IL1F10: variants seen among roughly 807,000 people sequenced by gnomAD.
IL1F10 encodes interleukin 1 family member 10.
In IL1F10, 13 loss-of-function variants were observed where a neutral mutation model predicts 13.1. That is an observed-to-expected ratio of 0.99 (90% CI 0.64 to 1.57). The LOEUF (loss-of-function observed/expected upper bound fraction) is 1.57. Among genes scored for constraint, IL1F10 ranks in the 40% most tolerant of loss-of-function variants. IL1F10 has a pLI of 0.00. For synonymous variants in IL1F10, 78 were observed against 68.2 expected (o/e 1.14, Z -0.71); for missense variants, 191 against 184.1 (o/e 1.04, Z -0.22).
In IL1F10 at chr2:113,074,801, G is replaced by T; in HGVS notation, c.197G>T (p.Arg66Leu). Residue 66 changes from arginine (R) to leucine (L), a missense_variant, in exon 4 of 5, where the codon CGC becomes CTC. Transcript: ENST00000341010. ...PIFLGIQGGSRCLACVETEEG... is the reference protein window; with the variant it reads ...PIFLGIQGGSLCLACVETEEG... Reference sequence around the variant, plus strand: ...TTCCTGGGGATCCAGGGAGGGAGCCGCTGCCTGGCATGTGTGGAGACAGAA... The same window carrying T: ...TTCCTGGGGATCCAGGGAGGGAGCCTCTGCCTGGCATGTGTGGAGACAGAA... The T allele has an allele frequency of 3.1e-6, 5 of 1,613,518 alleles. No individual in the cohort carries two copies. The South Asian group carries it at 3.3e-5, about 11-fold the overall frequency.
rs1685899555 is a variant in IL1F10, at chr2:113,074,532, G to C, written c.118+118G>C. The C allele has an allele frequency of 5.6e-6, 6 of 1,066,884 alleles. No individual in the cohort carries two copies. In the Admixed American group the frequency reaches 1.0e-4, roughly 18 times the overall value. The allele number at this position is 1,066,884 out of a possible 1,614,324, so 66.1% of individuals were successfully genotyped here. A position where few individuals can be genotyped will look rare whatever the true frequency, so the allele number is the denominator to read the frequency against. On this transcript the variant is annotated intron_variant, in intron 3 of 4. Transcript: ENST00000341010. ...CCCCCAGTGACAGTGAGAAGGGCCA[G>C]AGAGCAGCTGTGGCCTCTCCTAGCG... is the stretch of plus-strand genomic sequence containing the variant.
Position 113,075,330 on chromosome 2 carries a change from C to A in IL1F10, c.425C>A (p.Ala142Asp). The A allele has an allele frequency of 6.3e-7, 1 of 1,593,960 alleles. No individual in the cohort carries two copies. Residue 142 changes from alanine to aspartate, a missense_variant, in exon 5 of 5, where the codon GCC (alanine) becomes GAC (aspartate). Ala to Asp is a moderately radical substitution (Grantham distance 126). Coordinates refer to ENST00000341010, the MANE Select transcript of IL1F10 (RefSeq NM_173161.3). ...CTCACCAAGGAGAGTGAGCCCTCAG[C>A]CCGTACCAAGTTTTACTTTGAACAG... is the stretch of plus-strand genomic sequence containing the variant. ...VQLTKESEPS[A>D]RTKFYFEQSW is the part of the protein sequence containing the mutation.
chr2:113,075,063 G>T, intron 4 of IL1F10, 89 bp from the exon 5 acceptor site: 2 of 1,330,046 alleles, frequency 1.5e-6, no homozygotes, highest in South Asian at 1.4e-5. Context: ...AGCCCTGTCA[G>T]GTCCTTTTTT....
rs187644874 is a variant in IL1F10, at chr2:113,075,622, G to C, written c.*258G>C. 1 of 289,372 alleles carries C rather than the reference G, an allele frequency of 3.5e-6. No individual in the cohort carries two copies. Among genetic ancestry groups the C allele is most frequent in the African/African-American group, 2.2e-5 (1 of 46,172 alleles). 17.9% of individuals were successfully genotyped at this position (289,372 alleles called of 1,614,324 possible). A position where few individuals can be genotyped will look rare whatever the true frequency, so the allele number is the denominator to read the frequency against. On this transcript the variant is annotated 3_prime_UTR_variant, in exon 5 of 5. Coordinates refer to ENST00000341010, the MANE Select transcript of IL1F10 (RefSeq NM_173161.3). ...GGAGGCAGGAAGGGAGAGTCAGAGA[G>C]AGAATGGAAGATACCATGCTTCTAA...
chr2:113,074,400 A>G lies in IL1F10; in HGVS notation c.104A>G (p.Asp35Gly). ...GQLLVGDPVA[D>G]NCCAEKICIL... Reference sequence around the variant, plus strand: ...CTGCTGGTGGGAGATCCTGTTGCAGACAACTGCTGTGCAGGTGAGCTTCTG... The same window carrying G: ...CTGCTGGTGGGAGATCCTGTTGCAGGCAACTGCTGTGCAGGTGAGCTTCTG... The change falls in exon 3 of 5, where the codon GAC becomes GGC. Residue 35 changes from aspartate to glycine, a missense_variant. Coordinates refer to ENST00000341010, the MANE Select transcript of IL1F10 (RefSeq NM_173161.3). 6.2e-7 allele frequency: 1 copy of G among 1,613,546 alleles called. No individual in the cohort carries two copies.
chr2:113,070,399 G>T (rs911111429), intron 1 of IL1F10, among the ~76,000 whole-genome samples: 3 of 152,200 alleles, frequency 2.0e-5, no homozygotes, highest in Non-Finnish European at 2.9e-5. Context: ...TAGGGCCCAT[G>T]GGATCCAGCT....
Position 113,072,721 on chromosome 2 carries a change from A to G in IL1F10, c.-18A>G. On this transcript the variant is annotated 5_prime_UTR_variant, in exon 2 of 5. Coordinates refer to ENST00000341010, the MANE Select transcript of IL1F10 (RefSeq NM_173161.3). ...TCTCCTCCCCATCAGTGAGGACCAG[A>G]CACCACTGATTGCAGGAATGTGTTC... is the stretch of plus-strand genomic sequence containing the variant. The G allele has an allele frequency of 6.2e-7, 1 of 1,610,918 alleles. No homozygotes were observed. Among genetic ancestry groups the G allele is most frequent in the African/African-American group, 1.3e-5 (1 of 74,954 alleles).
chr2:113,070,424 T>C (rs565899311), intron 1 of IL1F10, among the ~76,000 whole-genome samples: 34 of 152,280 alleles, frequency 2.2e-4, no homozygotes, highest in African/African-American at 7.5e-4. Context: ...TGGACCAGCA[T>C]TGAATTTCTT....
At chr2:113,074,287 G>A in intron 2 of IL1F10, 42 bp from the exon 3 acceptor site, 1 of 1,273,180 alleles carries the variant, frequency 7.9e-7, no homozygotes, top group Non-Finnish European at 1.1e-6. Flanking sequence ...GGCCAGTGGT[G>A]CATAAAGGGA....
Position 113,075,276 on chromosome 2 carries a change from G to A in IL1F10, c.371G>A (p.Gly124Asp). The change falls in exon 5 of 5, where the codon GGC becomes GAC. Residue 124 changes from glycine to aspartate, a missense_variant. By Grantham distance (94) the Gly-to-Asp change is moderately conservative. Transcript: ENST00000341010. ...AAAWPGWFLCGPAEPQQPVQL... is the reference protein window; with the variant it reads ...AAAWPGWFLCDPAEPQQPVQL... ...GCCTGGCCTGGCTGGTTCCTGTGTG[G>A]CCCGGCAGAGCCCCAGCAGCCAGTA... is the stretch of plus-strand genomic sequence containing the variant. 1 of 1,612,478 alleles carries A rather than the reference G, an allele frequency of 6.2e-7. No homozygotes were observed. Among genetic ancestry groups the A allele is most frequent in the Non-Finnish European group, 8.5e-7 (1 of 1,178,788 alleles).
At position 113,074,788 on chromosome 2, in the gene IL1F10, C is replaced by T. The variant is rs137898064; in HGVS notation, c.184C>T (p.Gln62Ter). The T allele has an allele frequency of 1.8e-4, 287 of 1,613,702 alleles. No homozygotes were observed. The highest frequency in any genetic ancestry group is 2.2e-4 in the Non-Finnish European group (263 of 1,179,982). Residue 62 changes from glutamine to a stop codon, truncating the protein, a stop_gained, in exon 4 of 5, where the codon CAG becomes TAG. Coordinates refer to ENST00000341010, the MANE Select transcript of IL1F10 (RefSeq NM_173161.3). LOFTEE classifies it high-confidence loss of function. ...RTKVPIFLGIQGGSRCLACVE... is the reference protein window; with the variant it reads ...RTKVPIFLGI Reference sequence around the variant, plus strand: ...CAAGGTCCCCATTTTCCTGGGGATCCAGGGAGGGAGCCGCTGCCTGGCATG... The same window carrying T: ...CAAGGTCCCCATTTTCCTGGGGATCTAGGGAGGGAGCCGCTGCCTGGCATG...
intron 1 of IL1F10, among the ~76,000 whole-genome samples, chr2:113,068,341 GTTT>G (rs11334338): frequency 2.1e-5 from 3 of 140,708 alleles, no homozygotes; most frequent in African/African-American, 2.6e-5. Context: ...TTTTGTTTTC[GTTT>G]TTTTTTTTTT....
intron 1 of IL1F10, among the ~76,000 whole-genome samples, chr2:113,068,747 A>T (rs1214462892): frequency 2.6e-5 from 4 of 152,214 alleles, no homozygotes; most frequent in Non-Finnish European, 5.9e-5. Flanking sequence ...TGACTTCAAG[A>T]TCTTATAAAC....
At chr2:113,070,061 G>GGTC (rs1429625630) in intron 1 of IL1F10, among the ~76,000 whole-genome samples, 1 of 152,216 alleles carries the variant, frequency 6.6e-6, no homozygotes, top group African/African-American at 2.4e-5. Context: ...GCCAGGACAG[G>GGTC]TGAATTGCGG....
rs1685855907 is a variant in IL1F10 at position 113,072,531 on chromosome 2, C to T, written c.-28-180C>T. ...CCGGATAGCCTCAGTCAGGGAGAGGCAGAGCTGCCTGGAGCCTGCTGGGCT... is the reference window on the plus strand; with the variant it reads ...CCGGATAGCCTCAGTCAGGGAGAGGTAGAGCTGCCTGGAGCCTGCTGGGCT... On this transcript the variant is annotated intron_variant, in intron 1 of 4. Transcript: ENST00000341010. 5.5e-6 allele frequency: 3 copies of T among 541,842 alleles called. No homozygotes were observed. The East Asian group carries it at 9.8e-5, about 18-fold the overall frequency. The allele number at this position is 541,842 out of a possible 1,614,324, so 33.6% of individuals were successfully genotyped here. A position where few individuals can be genotyped will look rare whatever the true frequency, so the allele number is the denominator to read the frequency against.
At chr2:113,074,962 C>T in intron 4 of IL1F10, 112 bp downstream of exon 4, 2 of 1,388,996 alleles carry the variant, frequency 1.4e-6, no homozygotes, top group South Asian at 2.6e-5. Context: ...ACATGTCCTA[C>T]TTCCTCAGGT....
At position 113,074,868 on chromosome 2, in the gene IL1F10, A is replaced by T; in HGVS notation, c.246+18A>T. 1 of 1,609,678 alleles carries T rather than the reference A, an allele frequency of 6.2e-7. No homozygotes were observed. Among genetic ancestry groups the T allele is most frequent in the Non-Finnish European group, 8.5e-7 (1 of 1,178,570 alleles). On this transcript the variant is annotated intron_variant, in intron 4 of 4. Transcript: ENST00000341010. ...AGCTGGAGGTGAGAGGCCTCTCCCC[A>T]TTCTAGGGGACACTGCAGACCTGGC...
chr2:113,069,182 C>T (rs2862853), intron 1 of IL1F10, among the ~76,000 whole-genome samples: 117,695 of 152,110 alleles, frequency 0.77, 46,327 homozygotes, highest in East Asian at 0.93. Flanking sequence ...GGAATTATGT[C>T]GCCAGGAGGT....
chr2:113,069,989 G>A (rs1358979746), intron 1 of IL1F10, among the ~76,000 whole-genome samples: 1 of 152,234 alleles, frequency 6.6e-6, no homozygotes, highest in Non-Finnish European at 1.5e-5. Flanking sequence ...ATGAAGGATA[G>A]GACAGGGTGC....
Sources: gnomAD v4.1 joint callset for allele counts (sites outside exome capture counted in the v4.1 genomes callset) on GRCh38, gnomAD v4.1.1 for gene constraint, MANE v1.5 for transcripts, NCBI Gene and HGNC (gene_info 2026-07-23, HGNC 2026-07-21) for gene names.